DCC: variants seen among roughly 807,000 people sequenced by gnomAD.
The protein encoded by DCC is DCC netrin 1 receptor.
Under a neutral mutation model 172.5 loss-of-function variants are expected in DCC, and 58 were observed. That is an observed-to-expected ratio of 0.34 (90% CI 0.27 to 0.42). The LOEUF (loss-of-function observed/expected upper bound fraction) is 0.42, where lower values mean the gene tolerates loss of function less well. DCC is among the 10% of genes least tolerant of loss of function. The probability of loss-of-function intolerance (pLI) is 1.00; values close to 1 mark genes in which losing one functional copy is unlikely to be tolerated. For synonymous variants in DCC, 709 were observed against 644.5 expected, an observed-to-expected ratio of 1.10 and a Z score of -1.52; for missense variants, 1,740 against 1,791.0, an observed-to-expected ratio of 0.97 and a Z score of 0.51.
chr18:52,953,000 CA>C (rs11315976), intron 5 of DCC, among the ~76,000 whole-genome samples: 8,019 of 51,258 alleles, frequency 0.16, 195 homozygotes, highest in Admixed American at 0.23. Context: ...TCTCCTGTCT[CA>C]AAAAAAAAAA....
In DCC at chr18:53,515,854, C is replaced by T. The variant is rs1161163037; in HGVS notation, c.4112-10763C>T. 3.8e-3 allele frequency among the ~76,000 whole-genome samples: 582 copies of T among 151,676 alleles called. 6 individuals are homozygous for T. Among genetic ancestry groups the T allele is most frequent in the Middle Eastern group, 0.024 (7 of 294 alleles). Reference sequence around the variant, plus strand: ...GCTCATGGGTAGGAAGAATCAATATCGTCAAAATGGCCATACTGCCCAAGG... The same window carrying T: ...GCTCATGGGTAGGAAGAATCAATATTGTCAAAATGGCCATACTGCCCAAGG... On this transcript the variant is annotated intron_variant, in intron 27 of 28. Coordinates refer to ENST00000442544, the MANE Select transcript of DCC (RefSeq NM_005215.4).
intron 1 of DCC, among the ~76,000 whole-genome samples, chr18:52,363,841 GTCC>G (rs1984727339): frequency 6.6e-6 from 1 of 152,110 alleles, no homozygotes; most frequent in African/African-American, 2.4e-5. Flanking sequence ...GCTCCTAAAA[GTCC>G]TCCTTCTAAG....
chr18:53,468,323 AATC>A (rs1282152300), intron 25 of DCC, among the ~76,000 whole-genome samples: 1 of 122,152 alleles, frequency 8.2e-6, no homozygotes, highest in African/African-American at 2.8e-5. Flanking sequence ...TTATTCTAAT[AATC>A]ATCTCCATAG....
At chr18:53,353,247 A>G (rs926223005) in intron 15 of DCC, among the ~76,000 whole-genome samples, 2 of 150,676 alleles carry the variant, frequency 1.3e-5, no homozygotes, top group African/African-American at 2.4e-5. Context: ...GCACTCCAGC[A>G]TGGGCAACAA....
intron 1 of DCC, among the ~76,000 whole-genome samples, chr18:52,603,965 C>T (rs2034075072): frequency 6.6e-6 from 1 of 151,796 alleles, no homozygotes; most frequent in Non-Finnish European, 1.5e-5. Context: ...ATGTCAGAAC[C>T]TATATTTCCT....
At chr18:52,425,871 A>C (rs1179565140) in intron 1 of DCC, among the ~76,000 whole-genome samples, 2 of 152,160 alleles carry the variant, frequency 1.3e-5, no homozygotes, top group Non-Finnish European at 2.9e-5. Flanking sequence ...TGGTTGTTGA[A>C]AGAATTTAAT....
At chr18:53,354,464 G>A (rs1330519839) in intron 15 of DCC, among the ~76,000 whole-genome samples, 2 of 152,106 alleles carry the variant, frequency 1.3e-5, no homozygotes, top group Admixed American at 6.5e-5. Context: ...TCTAACTGGT[G>A]TGAGATGGTA....
chr18:52,949,670 A>G (rs898431651), intron 5 of DCC, among the ~76,000 whole-genome samples: 2 of 152,160 alleles, frequency 1.3e-5, no homozygotes, highest in African/African-American at 2.4e-5. Flanking sequence ...CTTGCCTTCA[A>G]AGTGGTTTTC....
rs1427105712 is a variant in DCC at position 53,235,479 on chromosome 18, A to G, written c.1911+19882A>G. ...TTCTGCAGATTCTTGTCTTCCAAGT[A>G]AGCATTCTTTTTTGTTTGTTTCTGG... On this transcript the variant is annotated intron_variant, in intron 12 of 28. Transcript: ENST00000442544. 8.5e-5 allele frequency among the ~76,000 whole-genome samples: 13 copies of G among 152,312 alleles called. 1 individual carries two copies. The South Asian group carries it at 2.1e-3, about 24-fold the overall frequency.
intron 1 of DCC, among the ~76,000 whole-genome samples, chr18:52,413,282 T>A (rs1986903734): frequency 6.6e-6 from 1 of 151,210 alleles, no homozygotes; most frequent in Non-Finnish European, 1.5e-5. Flanking sequence ...TTTAAAAGCC[T>A]AACTATACTA....
chr18:53,320,357 C>G (rs1002190393), intron 13 of DCC, among the ~76,000 whole-genome samples: 3 of 152,106 alleles, frequency 2.0e-5, no homozygotes, highest in Non-Finnish European at 4.4e-5. Context: ...CAGGCATGAG[C>G]CACCGCGCCC....
intron 1 of DCC, among the ~76,000 whole-genome samples, chr18:52,526,953 A>G (rs1235313460): frequency 1.3e-5 from 2 of 152,182 alleles, no homozygotes; most frequent in Admixed American, 6.5e-5. Context: ...AATACAATCT[A>G]CAGGTGGTGT....
chr18:52,347,907 T>C (rs186662052), intron 1 of DCC, among the ~76,000 whole-genome samples: 23 of 152,238 alleles, frequency 1.5e-4, no homozygotes, highest in African/African-American at 5.3e-4. Context: ...AATAATACAA[T>C]TCATGATCAT....
chr18:53,302,816 T>C (rs890325429), intron 12 of DCC, among the ~76,000 whole-genome samples: 6 of 152,344 alleles, frequency 3.9e-5, no homozygotes, highest in African/African-American at 1.4e-4. Flanking sequence ...TTGAGAAATC[T>C]GATGCCATTC....
At chr18:53,185,167 G>T (rs186318924) in intron 9 of DCC, among the ~76,000 whole-genome samples, 1 of 152,164 alleles carries the variant, frequency 6.6e-6, no homozygotes, top group Non-Finnish European at 1.5e-5. Context: ...GATGGGGAAC[G>T]TTAAAAATTT....
In DCC at chr18:52,823,064, G is replaced by A. The variant is rs558525080; in HGVS notation, c.412+70690G>A. On this transcript the variant is annotated intron_variant, in intron 2 of 28. Transcript: ENST00000442544. ...TAACTGGTTTTGTGAAACTATGAGC[G>A]AAAACGTGTAAACCCTGTATTCTCA... Among the ~76,000 whole-genome samples, 21 of 152,208 alleles carry A rather than the reference G, an allele frequency of 1.4e-4. 1 individual carries two copies. The highest frequency in any genetic ancestry group is 4.2e-4 in the South Asian group (2 of 4,816).
In DCC at chr18:52,833,269, A is replaced by G. The variant is rs1296835167; in HGVS notation, c.413-72775A>G. ...GTTACACTGCTAACCCATGGTTCTC[A>G]AACCCAAAGATCCTTGGGAAGGCTA... On this transcript the variant is annotated intron_variant, in intron 2 of 28. Transcript: ENST00000442544. Among the ~76,000 whole-genome samples, 3 of 152,150 alleles carry G rather than the reference A, an allele frequency of 2.0e-5. No individual in the cohort carries two copies. The East Asian group carries it at 5.8e-4, about 29-fold the overall frequency.
intron 12 of DCC, among the ~76,000 whole-genome samples, chr18:53,303,593 T>G (rs760200968): frequency 1.1e-4 from 16 of 152,216 alleles, no homozygotes; most frequent in Admixed American, 9.8e-4. Context: ...TTGCAGGATA[T>G]GTGACACCGG....
Position 53,120,360 on chromosome 18 carries a change from GGT to G in DCC, c.1262-36995_1262-36994del, listed in dbSNP as rs938024249. On this transcript the variant is annotated intron_variant, in intron 7 of 28. Transcript: ENST00000442544. ...GAGAATGTTATTTTTATTTGGCATA[GGT>G]TTTTTTCATATATTAGACAATTTGT... Among the ~76,000 whole-genome samples, 98 of 151,592 alleles carry G rather than the reference GGT, an allele frequency of 6.5e-4. 1 individual carries two copies. Among genetic ancestry groups the G allele is most frequent in the Admixed American group, 3.3e-4 (5 of 15,182 alleles).
Sources: gnomAD v4.1 joint callset for allele counts (sites outside exome capture counted in the v4.1 genomes callset) on GRCh38, gnomAD v4.1.1 for gene constraint, MANE v1.5 for transcripts, NCBI Gene and HGNC (gene_info 2026-07-23, HGNC 2026-07-21) for gene names.